FGF14: variants seen among roughly 807,000 people sequenced by gnomAD.
FGF14 encodes the protein fibroblast growth factor homologous factor 4.
A neutral mutation model predicts 25.5 loss-of-function variants in FGF14; 5 were observed. That is an observed-to-expected ratio of 0.20 (90% CI 0.10 to 0.41). The LOEUF (loss-of-function observed/expected upper bound fraction) is 0.41. FGF14 is among the 10% of genes least tolerant of loss of function. The probability of loss-of-function intolerance (pLI) is 1.00; values close to 1 mark genes in which losing one functional copy is unlikely to be tolerated. For missense variants in FGF14, 222 were observed against 320.1 expected (o/e 0.69, Z 2.34); for synonymous variants, 138 against 118.3 (o/e 1.17, Z -1.08).
At chr13:102,183,070 ACATTGCCTGGCTGCAGG>A (rs1377043094) in intron 1 of FGF14, among the ~76,000 whole-genome samples, 8 of 152,176 alleles carry the variant, frequency 5.3e-5, no homozygotes, top group African/African-American at 1.9e-4. Context: ...GATGGACAGG[ACATTGCCTGGCTGCAGG>A]CAGGTAGCTT....
chr13:102,398,897 A>AATAT (rs35865466), intron 1 of FGF14, among the ~76,000 whole-genome samples: 20 of 147,260 alleles, frequency 1.4e-4, no homozygotes, highest in South Asian at 8.5e-4. Context: ...TATAATATAT[A>AATAT]ATATATATAT....
rs1045513679 is a variant in FGF14, at chr13:101,720,270, C to G, written c.*2561G>C. 6.6e-6 allele frequency: 1 copy of G among 152,022 alleles called. No homozygotes were observed. The highest frequency in any genetic ancestry group is 6.6e-5 in the Admixed American group (1 of 15,232). The allele number at this position is 152,022 out of a possible 1,614,324, so 9.4% of individuals were successfully genotyped here. A position where few individuals can be genotyped will look rare whatever the true frequency, so the allele number is the denominator to read the frequency against. On this transcript the variant is annotated 3_prime_UTR_variant, in exon 5 of 5. Coordinates refer to ENST00000376143, the MANE Select transcript of FGF14 (RefSeq NM_004115.4). The stretch of plus-strand genomic sequence containing the variant: ...ACCAGACACAAAGTAAATGACCTAA[C>G]TCAATTACAAATAACAAGGACCCCT...
At chr13:101,857,397 A>C (rs1348366413) in intron 3 of FGF14, among the ~76,000 whole-genome samples, 1 of 152,172 alleles carries the variant, frequency 6.6e-6, no homozygotes, top group East Asian at 1.9e-4. Context: ...GTTTATTAAC[A>C]TGTGACTCAT....
At chr13:102,367,981 T>G (rs1366684776) in intron 1 of FGF14, 9 of 152,154 alleles carry the variant, frequency 5.9e-5, no homozygotes, top group African/African-American at 2.2e-4. Flanking sequence ...TACTTTTCCC[T>G]GCGGCAACAA....
chr13:102,295,968 G>A (rs767896456), intron 1 of FGF14, among the ~76,000 whole-genome samples: 1 of 151,654 alleles, frequency 6.6e-6, no homozygotes, highest in Non-Finnish European at 1.5e-5. Flanking sequence ...AACTATAGAA[G>A]AAAAAAAACA....
chr13:101,790,657 T>A (rs1411410162), intron 3 of FGF14, among the ~76,000 whole-genome samples: 1 of 152,126 alleles, frequency 6.6e-6, no homozygotes, highest in African/African-American at 2.4e-5. Context: ...CACTTCAGCA[T>A]GCCTCATTGT....
At chr13:102,117,973 G>A (rs2045550234) in intron 1 of FGF14, among the ~76,000 whole-genome samples, 2 of 152,084 alleles carry the variant, frequency 1.3e-5, no homozygotes, top group Admixed American at 6.6e-5. Context: ...TTTGAGCCAT[G>A]TAGATATTTT....
chr13:102,162,098 A>T (rs1312718476), intron 1 of FGF14, among the ~76,000 whole-genome samples: 6 of 152,180 alleles, frequency 3.9e-5, no homozygotes, highest in Admixed American at 3.3e-4. Context: ...CCTGTTTTTT[A>T]AAAGATGCTA....
rs966577004 is a variant in FGF14 at position 102,082,761 on chromosome 13, C to T, written c.209-207465G>A. On this transcript the variant is annotated intron_variant, in intron 1 of 4. Transcript: ENST00000376131. ...CGAGGTCAGGAGATCGAGACCATCC[C>T]GGCTAAAACGGTGAAACCCCGTCTC... Among the ~76,000 whole-genome samples, 7 of 151,132 alleles carry T rather than the reference C, an allele frequency of 4.6e-5. No homozygotes were observed. The East Asian group carries it at 9.9e-4, about 21-fold the overall frequency.
intron 1 of FGF14, among the ~76,000 whole-genome samples, chr13:102,118,704 T>C (rs531332836): frequency 2.0e-5 from 3 of 152,310 alleles, no homozygotes; most frequent in South Asian, 4.1e-4. Flanking sequence ...CATATATGTA[T>C]ATATACTTCA....
chr13:102,128,691 A>G (rs1673434), intron 1 of FGF14, among the ~76,000 whole-genome samples: 4,147 of 152,310 alleles, frequency 0.027, 192 homozygotes, highest in African/African-American at 0.094. Context: ...TATGTGAAAA[A>G]GTGCTGTCTT....
intron 1 of FGF14, among the ~76,000 whole-genome samples, chr13:102,308,770 A>C (rs1344093415): frequency 2.6e-5 from 4 of 152,070 alleles, no homozygotes; most frequent in African/African-American, 9.7e-5. Flanking sequence ...ATCTGCCCTC[A>C]CACAAGAGAG....
In FGF14 at chr13:101,788,143, A is replaced by G. The variant is rs556390672; in HGVS notation, c.409-61333T>C. ...CTGCCTCAGCCTCCCAAAGTCTGGG[A>G]TGACAGGCGTGAGCCACCACCCCTG... On this transcript the variant is annotated intron_variant, in intron 3 of 4. Coordinates refer to ENST00000376143, the MANE Select transcript of FGF14 (RefSeq NM_004115.4). 7.2e-5 allele frequency among the ~76,000 whole-genome samples: 11 copies of G among 152,236 alleles called. No homozygotes were observed. The South Asian group carries it at 2.3e-3, about 32-fold the overall frequency.
At chr13:102,201,883 T>C (rs2049669539) in intron 1 of FGF14, among the ~76,000 whole-genome samples, 1 of 139,832 alleles carries the variant, frequency 7.2e-6, no homozygotes, top group Non-Finnish European at 1.6e-5. Context: ...TTTGGATCTG[T>C]GTCCCTTCCC....
chr13:101,768,757 AACGTC>A lies in FGF14; in HGVS notation c.409-41952_409-41948del, dbSNP rs2038568601. On this transcript the variant is annotated intron_variant, in intron 3 of 4. Transcript: ENST00000376143. ...CAACTAACGGTACTGGGACAACTGG[AACGTC>A]CACATGCAAAACATAAATCCAAACA... 3.3e-5 allele frequency among the ~76,000 whole-genome samples: 5 copies of A among 152,312 alleles called. No homozygotes were observed. The South Asian group carries it at 1.0e-3, about 32-fold the overall frequency.
At chr13:102,010,500 A>G (rs1481408559) in intron 1 of FGF14, among the ~76,000 whole-genome samples, 2 of 152,290 alleles carry the variant, frequency 1.3e-5, no homozygotes, top group East Asian at 3.9e-4. Flanking sequence ...GAAAAAAAAG[A>G]AAGTGTTTAT....
At chr13:102,038,513 A>G (rs1403019929) in intron 1 of FGF14, among the ~76,000 whole-genome samples, 1 of 152,204 alleles carries the variant, frequency 6.6e-6, no homozygotes, top group Non-Finnish European at 1.5e-5. Flanking sequence ...TTTTTACAAT[A>G]GGAACCATAC....
At chr13:102,326,965 A>G (rs1198969655) in intron 1 of FGF14, among the ~76,000 whole-genome samples, 1 of 152,234 alleles carries the variant, frequency 6.6e-6, no homozygotes, top group African/African-American at 2.4e-5. Flanking sequence ...AGTTCTGTTC[A>G]GCTCATGTGT....
chr13:102,310,700 G>T (rs11620333), intron 1 of FGF14, among the ~76,000 whole-genome samples: 540 of 49,776 alleles, frequency 0.011, 94 homozygotes, highest in African/African-American at 0.034. Context: ...TGTGTGTGGG[G>T]GGGGGGGGGT....
Sources: gnomAD v4.1 joint callset for allele counts (sites outside exome capture counted in the v4.1 genomes callset) on GRCh38, gnomAD v4.1.1 for gene constraint, MANE v1.5 for transcripts, NCBI Gene and HGNC (gene_info 2026-07-23, HGNC 2026-07-21) for gene names.